Variants in GDA observed in about 807,000 individuals in gnomAD.
The protein encoded by GDA is cytoplasmic PSD-95 interactor.
In GDA, 18 loss-of-function variants were observed where a neutral mutation model predicts 59.6. That is an observed-to-expected ratio of 0.30 (90% confidence interval 0.21 to 0.45). GDA has a LOEUF of 0.45. GDA is among the 20% of genes least tolerant of loss of function. GDA has a pLI of 1.00. For missense variants in GDA, 427 were observed against 552.3 expected, an observed-to-expected ratio of 0.77 and a Z score of 2.27; for synonymous variants, 201 against 201.1, an observed-to-expected ratio of 1.00 and a Z score of 0.00.
At chr9:72,144,949 G>A (rs1025353554), upstream of GDA, among the ~76,000 whole-genome samples, 1 of 151,014 alleles carries the variant, frequency 6.6e-6, no homozygotes, top group African/African-American at 2.4e-5. Flanking sequence ...TGAGCACAGG[G>A]CACCATGGAA....
downstream of GDA, among the ~76,000 whole-genome samples, chr9:72,254,209 T>C (rs180963489): frequency 3.3e-5 from 5 of 152,362 alleles, no homozygotes; most frequent in Admixed American, 2.0e-4. Context: ...TTCAGACTTA[T>C]CACTTTTATC....
intron 10 of GDA, among the ~76,000 whole-genome samples, chr9:72,238,841 C>T (rs1839301911): frequency 1.3e-5 from 2 of 152,266 alleles, no homozygotes; most frequent in South Asian, 4.2e-4. Flanking sequence ...TTCTTCAGCA[C>T]TTCAGTTATG....
intron 1 of GDA, among the ~76,000 whole-genome samples, chr9:72,152,510 T>A (rs989249788): frequency 1.3e-5 from 2 of 152,216 alleles, no homozygotes; most frequent in African/African-American, 4.8e-5. Context: ...TATCTCATTG[T>A]GGTTTTGATT....
intron 2 of GDA, among the ~76,000 whole-genome samples, chr9:72,201,660 G>A (rs1411589036): frequency 1.3e-5 from 2 of 152,134 alleles, no homozygotes; most frequent in Admixed American, 6.6e-5. Context: ...GATAATGGTG[G>A]CAGTAGAGGG....
chr9:72,204,592 T>C (rs1834436509), intron 3 of GDA, among the ~76,000 whole-genome samples: 1 of 152,220 alleles, frequency 6.6e-6, no homozygotes, highest in Admixed American at 6.5e-5. Flanking sequence ...ATATCTATGC[T>C]TCATACTGAA....
At chr9:72,199,349 A>G (rs765177994) in intron 2 of GDA, among the ~76,000 whole-genome samples, 19 of 152,108 alleles carry the variant, frequency 1.2e-4, no homozygotes, top group Non-Finnish European at 2.1e-4. Flanking sequence ...GATGCTTACT[A>G]TTTCCTTAAA....
rs1290170854 is a variant in GDA at position 72,225,695 on chromosome 9, C to T, written c.733C>T (p.Arg245Cys). 6.7e-7 allele frequency: 1 copy of T among 1,502,740 alleles called. No individual in the cohort carries two copies. 93.1% of individuals were successfully genotyped at this position (1,502,740 alleles called of 1,614,324 possible). The change falls in exon 8 of 14, where the codon CGT becomes TGT. Residue 245 changes from arginine (R) to cysteine (C), a missense_variant. Physicochemically the swap from Arg to Cys is radical, Grantham distance 180. Coordinates refer to ENST00000358399, the MANE Select transcript of GDA (RefSeq NM_004293.5). ...CTTGTAGAGCCATATAAGTGAAAAT[C>T]GTGATGAAGTTGAAGCTGTGAAAAA... ...LHIQSHISENRDEVEAVKNLY... is the reference protein window; with the variant it reads ...LHIQSHISENCDEVEAVKNLY...
intron 1 of GDA, among the ~76,000 whole-genome samples, chr9:72,144,313 T>C (rs1249010506): frequency 1.3e-5 from 2 of 152,210 alleles, no homozygotes; most frequent in Admixed American, 1.3e-4. Context: ...CACTTCAGCA[T>C]CAATTGTTAA....
At chr9:72,130,338 C>G (rs909618077) in intron 1 of GDA, among the ~76,000 whole-genome samples, 4 of 152,032 alleles carry the variant, frequency 2.6e-5, no homozygotes, top group African/African-American at 9.7e-5. Context: ...CAGATACTAC[C>G]AGGAGGTGTA....
At chr9:72,205,618 T>G (rs1311185423) in intron 3 of GDA, among the ~76,000 whole-genome samples, 2 of 152,136 alleles carry the variant, frequency 1.3e-5, no homozygotes, top group East Asian at 3.8e-4. Context: ...CAGCTCTGGG[T>G]TTGCCTTATT....
At chr9:72,182,460 C>A (rs1215461411) in intron 1 of GDA, among the ~76,000 whole-genome samples, 1 of 152,144 alleles carries the variant, frequency 6.6e-6, no homozygotes, top group African/African-American at 2.4e-5. Flanking sequence ...TCAGGTCGTG[C>A]ATTTTTGGCA....
At chr9:72,142,638 C>T (rs1195459684) in intron 1 of GDA, among the ~76,000 whole-genome samples, 5 of 151,988 alleles carry the variant, frequency 3.3e-5, no homozygotes, top group African/African-American at 1.2e-4. Context: ...ATGAAGAAAC[C>T]AAGGCCCAAA....
At chr9:72,133,296 A>AT (rs1564150705) in intron 1 of GDA, among the ~76,000 whole-genome samples, 1 of 95,502 alleles carries the variant, frequency 1.0e-5, no homozygotes, top group Non-Finnish European at 2.2e-5. Context: ...CTAAAAAAAA[A>AT]AAAAAAAAAA....
chr9:72,192,957 G>A (rs1832734606), intron 1 of GDA, among the ~76,000 whole-genome samples: 1 of 152,060 alleles, frequency 6.6e-6, no homozygotes, highest in African/African-American at 2.4e-5. Flanking sequence ...TTCAGCTTCA[G>A]GATTTTTCCT....
chr9:72,229,069 C>G (rs1276458979), intron 9 of GDA: 1 of 149,356 alleles, frequency 6.7e-6, no homozygotes, highest in Non-Finnish European at 1.5e-5. Context: ...GGCGTGGTGG[C>G]TCACACCTCT....
intron 1 of GDA, among the ~76,000 whole-genome samples, chr9:72,161,071 T>C (rs1828568555): frequency 6.6e-6 from 1 of 151,960 alleles, no homozygotes; most frequent in African/African-American, 2.4e-5. Flanking sequence ...TAATTTTTTT[T>C]TTTTTTTTGT....
intron 1 of GDA, among the ~76,000 whole-genome samples, chr9:72,169,957 T>C (rs79967978): frequency 0.038 from 5,814 of 152,326 alleles, 137 homozygotes; most frequent in Middle Eastern, 0.095. Context: ...AATGGTCCTC[T>C]GTATCTAAGC....
intron 8 of GDA, 110 bp downstream of exon 8, chr9:72,225,894 A>AT: frequency 5.3e-6 from 3 of 565,022 alleles, no homozygotes; most frequent in South Asian, 2.8e-5. Context: ...TTCTTTAAAA[A>AT]TTTTTTTTAA....
chr9:72,179,548 A>T (rs7025700), intron 1 of GDA, among the ~76,000 whole-genome samples: 2 of 152,090 alleles, frequency 1.3e-5, no homozygotes, highest in South Asian at 2.1e-4. Context: ...AAGTGACTAC[A>T]GGCAAGAAAA....
Sources: allele counts gnomAD v4.1 joint callset (sites outside exome capture counted in the v4.1 genomes callset), GRCh38; gene constraint gnomAD v4.1.1; transcripts MANE v1.5; gene names NCBI Gene and HGNC (gene_info 2026-07-23, HGNC 2026-07-21).